Variants in AFG2A observed in about 807,000 individuals in gnomAD.
AFG2A encodes AAA ATPase AFG2A, also known as ATPase family gene 2 protein homolog A.
chr4:123,111,325 T>C, the AFG2A span, among the ~76,000 whole-genome samples: 1 of 152,212 alleles, frequency 6.6e-6, no homozygotes, highest in Admixed American at 6.5e-5. Context: ...CATAGACCCA[T>C]ATATTTTTGG....
At chr4:122,962,156 C>A in the AFG2A span, among the ~76,000 whole-genome samples, 1 of 152,198 alleles carries the variant, frequency 6.6e-6, no homozygotes, top group Admixed American at 6.5e-5. Flanking sequence ...TGATAGGAGG[C>A]GGAGCTCAGG....
chr4:123,307,291 C>A, the AFG2A span, among the ~76,000 whole-genome samples: 1 of 152,134 alleles, frequency 6.6e-6, no homozygotes, highest in Non-Finnish European at 1.5e-5. Flanking sequence ...CAGGCCCACA[C>A]CACTACACCC....
chr4:123,093,636 C>A, the AFG2A span, among the ~76,000 whole-genome samples: 1 of 152,182 alleles, frequency 6.6e-6, no homozygotes, highest in Non-Finnish European at 1.5e-5. Flanking sequence ...AGAAACTCCT[C>A]CTTAATCTTA....
the AFG2A span, among the ~76,000 whole-genome samples, chr4:122,945,450 G>C: frequency 0.012 from 1,882 of 152,354 alleles, 41 homozygotes; most frequent in African/African-American, 0.041. Flanking sequence ...CTCCGAGCCA[G>C]GTGCGGGATA....
At chr4:123,189,309 G>C in the AFG2A span, among the ~76,000 whole-genome samples, 1 of 152,188 alleles carries the variant, frequency 6.6e-6, no homozygotes, top group Middle Eastern at 3.4e-3. Flanking sequence ...TTTATCATCT[G>C]CTCAGAGTTG....
chr4:123,028,690 A>G, the AFG2A span, among the ~76,000 whole-genome samples: 1 of 152,122 alleles, frequency 6.6e-6, no homozygotes, highest in Non-Finnish European at 1.5e-5. Context: ...GTTTGTTTCT[A>G]CATTTTTAAT....
At chr4:123,072,074 G>A in the AFG2A span, among the ~76,000 whole-genome samples, 3 of 152,328 alleles carry the variant, frequency 2.0e-5, no homozygotes, top group East Asian at 5.8e-4. Context: ...GATGGAATGA[G>A]TATAGGCTCT....
chr4:123,079,099 C>T, the AFG2A span, among the ~76,000 whole-genome samples: 1 of 152,162 alleles, frequency 6.6e-6, no homozygotes, highest in Admixed American at 6.5e-5. Flanking sequence ...GGACAGTCTT[C>T]TTTAATCTTC....
chr4:123,044,342 C>G, the AFG2A span, among the ~76,000 whole-genome samples: 1 of 152,146 alleles, frequency 6.6e-6, no homozygotes, highest in African/African-American at 2.4e-5. Flanking sequence ...TCCTTGCAAA[C>G]TGATGTGGAA....
the AFG2A span, among the ~76,000 whole-genome samples, chr4:123,204,239 G>T: frequency 6.6e-6 from 1 of 152,068 alleles, no homozygotes; most frequent in African/African-American, 2.4e-5. Context: ...AACATCTAGG[G>T]GTTGGTAATG....
chr4:122,943,527 G>T, the AFG2A span, among the ~76,000 whole-genome samples: 1 of 152,062 alleles, frequency 6.6e-6, no homozygotes, highest in African/African-American at 2.4e-5. Context: ...GCCTATGTGT[G>T]TCTCTGCACG....
chr4:123,073,733 A>G, the AFG2A span, among the ~76,000 whole-genome samples: 1 of 152,208 alleles, frequency 6.6e-6, no homozygotes, highest in African/African-American at 2.4e-5. Flanking sequence ...GGTCAACTAA[A>G]GAAAAGGAAA....
chr4:122,978,914 A>C, the AFG2A span, among the ~76,000 whole-genome samples: 1 of 152,244 alleles, frequency 6.6e-6, no homozygotes, highest in African/African-American at 2.4e-5. Flanking sequence ...AGAAGCAGGC[A>C]CTTCGGAGCC....
chr4:123,075,973 CAACAAAAAAAAA>C, the AFG2A span, among the ~76,000 whole-genome samples: 1 of 69,136 alleles, frequency 1.4e-5, no homozygotes, highest in African/African-American at 4.4e-5. Context: ...ACAACAACAA[CAACAAAAAAAAA>C]AACAAAAAAA....
the AFG2A span, among the ~76,000 whole-genome samples, chr4:123,117,461 A>G: frequency 2.0e-5 from 3 of 148,458 alleles, no homozygotes; most frequent in South Asian, 6.8e-4. Flanking sequence ...CCATTATGGA[A>G]CCATAATCAT....
At chr4:123,201,481 A>G in the AFG2A span, among the ~76,000 whole-genome samples, 1 of 152,252 alleles carries the variant, frequency 6.6e-6, no homozygotes, top group Non-Finnish European at 1.5e-5. Flanking sequence ...ATCTTTATCA[A>G]GTAATTCCCA....
chr4:123,298,810 T>C, the AFG2A span, among the ~76,000 whole-genome samples: 4 of 152,242 alleles, frequency 2.6e-5, no homozygotes, highest in Non-Finnish European at 5.9e-5. Context: ...TAATCTTCCA[T>C]TGGAACATTT....
the AFG2A span, among the ~76,000 whole-genome samples, chr4:123,128,085 A>G: frequency 6.6e-6 from 1 of 152,224 alleles, no homozygotes; most frequent in Non-Finnish European, 1.5e-5. Flanking sequence ...CCAGACAAGT[A>G]TAATCTTGTC....
At chr4:123,060,563 C>T in the AFG2A span, among the ~76,000 whole-genome samples, 3 of 152,200 alleles carry the variant, frequency 2.0e-5, no homozygotes, top group African/African-American at 2.4e-5. Flanking sequence ...CCCCTTTTAG[C>T]CATGCCTGGA....
Sources: gnomAD v4.1 joint callset for allele counts (sites outside exome capture counted in the v4.1 genomes callset) on GRCh38, gnomAD v4.1.1 for gene constraint, MANE v1.5 for transcripts, NCBI Gene and HGNC (gene_info 2026-07-23, HGNC 2026-07-21) for gene names.